Variants in ULK4 observed in about 807,000 individuals in gnomAD.
ULK4 encodes the protein unc-51 like kinase 4, also known as inactive serine/threonine-protein kinase ULK4.
ULK4 carries 133 observed loss-of-function variants against 160.6 expected under a neutral mutation model. The ratio of observed to expected loss-of-function variants is 0.83; its 90% CI spans 0.72 to 0.96. ULK4 has a LOEUF of 0.96. Among genes scored for constraint, ULK4 ranks in the 40% least tolerant of loss-of-function variants. ULK4 has a pLI of 0.00. For missense variants in ULK4, 1,580 were observed against 1,499.5 expected (o/e 1.05, Z -0.89); for synonymous variants, 534 against 539.8 (o/e 0.99, Z 0.15).
intron 34 of ULK4, among the ~76,000 whole-genome samples, chr3:41,427,128 T>C (rs376668162): frequency 1.3e-5 from 2 of 152,236 alleles, no homozygotes; most frequent in East Asian, 3.9e-4. Flanking sequence ...AACAATACTA[T>C]AAACATCTCT....
At chr3:41,681,692 G>A (rs370629679) in intron 28 of ULK4, 40 bp from the exon 29 acceptor site, 1 of 1,613,838 alleles carries the variant, frequency 6.2e-7, no homozygotes, top group Non-Finnish European at 8.5e-7. Context: ...TGACTCCATG[G>A]AGACAGAATG....
intron 17 of ULK4, among the ~76,000 whole-genome samples, chr3:41,849,956 T>C (rs183155130): frequency 1.1e-4 from 16 of 152,218 alleles, no homozygotes; most frequent in African/African-American, 3.6e-4. Context: ...ATGCTATCCC[T>C]TCCCCTCCCC....
intron 32 of ULK4, among the ~76,000 whole-genome samples, chr3:41,471,056 G>T (rs1449193396): frequency 7.1e-6 from 1 of 141,466 alleles, no homozygotes; most frequent in Non-Finnish European, 1.6e-5. Context: ...ACAAACAACA[G>T]AACAAAAAAC....
intron 30 of ULK4, among the ~76,000 whole-genome samples, chr3:41,624,812 C>A (rs1231487588): frequency 6.6e-6 from 1 of 152,064 alleles, no homozygotes; most frequent in African/African-American, 2.4e-5. Flanking sequence ...ACATATGCTG[C>A]GTTTTTTTCT....
At chr3:41,875,753 T>C (rs1332730822) in intron 17 of ULK4, among the ~76,000 whole-genome samples, 8 of 129,348 alleles carry the variant, frequency 6.2e-5, no homozygotes, top group Admixed American at 5.6e-4. Flanking sequence ...TTATAATCTA[T>C]ATAAGTTTTA....
intron 17 of ULK4, chr3:41,859,252 T>G: frequency 1.8e-6 from 1 of 546,350 alleles, no homozygotes; most frequent in Non-Finnish European, 3.5e-6. Flanking sequence ...AATGGGCAAG[T>G]CAAGAAAGGT....
chr3:41,938,619 T>C (rs759768288), intron 2 of ULK4, among the ~76,000 whole-genome samples: 6 of 152,160 alleles, frequency 3.9e-5, no homozygotes, highest in Non-Finnish European at 7.4e-5. Context: ...GAGGCAGAAG[T>C]TGCAGGGTGC....
At chr3:41,574,073 T>C (rs376567839) in intron 31 of ULK4, among the ~76,000 whole-genome samples, 4 of 51,098 alleles carry the variant, frequency 7.8e-5, no homozygotes, top group South Asian at 6.6e-4. Context: ...TCCCAGCTAC[T>C]TGGGAGGCTG....
Position 41,883,585 on chromosome 3 carries a change from T to C in ULK4, c.1656+289A>G, listed in dbSNP as rs1391083509. The stretch of plus-strand genomic sequence containing the variant: ...ATACATTAGTCTGTTGGACAGACTA[T>C]AAGAAAACTAGAAATGAAAAAAGCC... On this transcript the variant is annotated intron_variant, in intron 17 of 36. Transcript: ENST00000301831. Among the ~76,000 whole-genome samples the C allele has an allele frequency of 3.9e-5, 6 of 152,232 alleles. No individual in the cohort carries two copies. In the East Asian group the frequency reaches 9.6e-4, roughly 24 times the overall value.
In ULK4 at chr3:41,537,817, C is replaced by T. The variant is rs541048372; in HGVS notation, c.3226+28208G>A. Among the ~76,000 whole-genome samples the T allele has an allele frequency of 1.2e-3, 177 of 152,148 alleles. 3 individuals are homozygous for T. The highest frequency in any genetic ancestry group is 2.0e-3 in the Non-Finnish European group (136 of 68,000). On this transcript the variant is annotated intron_variant, in intron 32 of 36. Coordinates refer to ENST00000301831, the MANE Select transcript of ULK4 (RefSeq NM_017886.4). ...TTTTATAAATAAGGCAAGTCCTGAT[C>T]ATAAAAGTAACAATATTTCCACAAA...
At chr3:41,557,367 G>A (rs2643984) in intron 32 of ULK4, among the ~76,000 whole-genome samples, 74,705 of 151,432 alleles carry the variant, frequency 0.49, 18,685 homozygotes, top group Middle Eastern at 0.59. Flanking sequence ...ATATGACTGG[G>A]AAACTAAGAA....
At chr3:41,662,818 A>T (rs1348335826) in intron 30 of ULK4, among the ~76,000 whole-genome samples, 1 of 152,146 alleles carries the variant, frequency 6.6e-6, no homozygotes, top group Non-Finnish European at 1.5e-5. Context: ...AATCTTTACA[A>T]AACTAAAAAC....
chr3:41,430,463 T>A (rs2082879224), intron 34 of ULK4, among the ~76,000 whole-genome samples: 1 of 152,214 alleles, frequency 6.6e-6, no homozygotes, highest in African/African-American at 2.4e-5. Flanking sequence ...TGTGCCTTCA[T>A]GATCTGCAAG....
chr3:41,445,881 C>A (rs368097322), intron 34 of ULK4, among the ~76,000 whole-genome samples: 4,727 of 151,790 alleles, frequency 0.031, 203 homozygotes, highest in African/African-American at 0.098. Flanking sequence ...AATGGGATCT[C>A]ATTAAACTAA....
intron 14 of ULK4, among the ~76,000 whole-genome samples, chr3:41,897,292 C>A (rs1343282014): frequency 1.3e-5 from 2 of 152,046 alleles, no homozygotes; most frequent in Non-Finnish European, 2.9e-5. Flanking sequence ...TAACAAAATG[C>A]AAAGTTCAAT....
chr3:41,249,349 A>C, intron 36 of ULK4, 140 bp downstream of exon 36: 2 of 731,998 alleles, frequency 2.7e-6, no homozygotes, highest in Non-Finnish European at 4.3e-6. Context: ...CACACTGGGA[A>C]GGATCTCAGT....
intron 35 of ULK4, among the ~76,000 whole-genome samples, chr3:41,257,786 G>A (rs2078862735): frequency 6.6e-6 from 1 of 152,100 alleles, no homozygotes; most frequent in East Asian, 1.9e-4. Context: ...AAATGTAGAT[G>A]CAACCAAGCT....
chr3:41,298,419 T>C (rs895641210), intron 35 of ULK4, among the ~76,000 whole-genome samples: 2 of 152,210 alleles, frequency 1.3e-5, no homozygotes, highest in African/African-American at 4.8e-5. Flanking sequence ...CACTGTTCCA[T>C]TATTGCCTCT....
At chr3:41,724,307 G>A (rs1403009871) in intron 22 of ULK4, among the ~76,000 whole-genome samples, 4 of 152,176 alleles carry the variant, frequency 2.6e-5, no homozygotes, top group African/African-American at 9.7e-5. Context: ...GGATATATCT[G>A]TATCCTTGGA....
Sources: allele counts gnomAD v4.1 joint callset (sites outside exome capture counted in the v4.1 genomes callset), GRCh38; gene constraint gnomAD v4.1.1; transcripts MANE v1.5; gene names NCBI Gene and HGNC (gene_info 2026-07-23, HGNC 2026-07-21).